The following GHR variants were observed in gnomAD, a reference collection of about 807,000 sequenced individuals.
The protein encoded by GHR is growth hormone receptor.
GHR carries 35 observed loss-of-function variants against 67.1 expected under a neutral mutation model. The observed-to-expected ratio is 0.52, with a 90% CI of 0.40 to 0.69. The LOEUF is 0.69. GHR is among the 30% of genes least tolerant of loss of function. The pLI is 0.00. For missense variants in GHR, 792 were observed against 764.6 expected (o/e 1.04, Z -0.42); for synonymous variants, 272 against 269.1 (o/e 1.01, Z -0.10).
At position 42,662,286 on chromosome 5, in the gene GHR, A is replaced by C. The variant is rs183136754; in HGVS notation, c.137-26604A>C. Among the ~76,000 whole-genome samples, 398 of 152,324 alleles carry C rather than the reference A, an allele frequency of 2.6e-3. 2 individuals are homozygous for C. The highest frequency in any genetic ancestry group is 9.3e-3 in the African/African-American group (385 of 41,566). ...GACATCTACAGAACTCTCCATCACA[A>C]ATCAACAGAATATACATTTTTTTCA... On this transcript the variant is annotated intron_variant, in intron 3 of 9. Transcript: ENST00000230882.
At chr5:42,640,742 C>T (rs1409508637) in intron 3 of GHR, among the ~76,000 whole-genome samples, 1 of 150,062 alleles carries the variant, frequency 6.7e-6, no homozygotes, top group Non-Finnish European at 1.5e-5. Context: ...AATAAAATAC[C>T]TAACATCTTA....
intron 2 of GHR, among the ~76,000 whole-genome samples, chr5:42,621,365 C>T (rs1204185280): frequency 1.3e-5 from 2 of 152,132 alleles, no homozygotes; most frequent in Non-Finnish European, 2.9e-5. Flanking sequence ...ATGCTAGGGA[C>T]TGCATTTGAA....
chr5:42,477,054 C>G (rs1307125586), intron 1 of GHR, among the ~76,000 whole-genome samples: 4 of 128,662 alleles, frequency 3.1e-5, no homozygotes, highest in Admixed American at 1.8e-4. Context: ...CACAACAGTC[C>G]CCAGTGTGTG....
At chr5:42,427,682 T>C (rs1742913328) in intron 1 of GHR, among the ~76,000 whole-genome samples, 2 of 152,050 alleles carry the variant, frequency 1.3e-5, no homozygotes, top group East Asian at 3.9e-4. Flanking sequence ...CAGTCCAAAG[T>C]CTCACCTGAA....
chr5:42,623,938 C>T (rs1438670281), intron 2 of GHR, among the ~76,000 whole-genome samples: 1 of 152,176 alleles, frequency 6.6e-6, no homozygotes, highest in Non-Finnish European at 1.5e-5. Flanking sequence ...CACCTCTAGA[C>T]ATTAGGTACA....
Position 42,597,246 on chromosome 5 carries a change from A to T in GHR, c.70+31302A>T, listed in dbSNP as rs983037882. Among the ~76,000 whole-genome samples the T allele has an allele frequency of 3.9e-5, 6 of 152,312 alleles. No individual in the cohort carries two copies. The East Asian group carries it at 1.2e-3, about 29-fold the overall frequency. ...GTTATGTAGTATTTTTGCCATACAG[A>T]TGCATAAGAGACATAAGTAACCTGA... On this transcript the variant is annotated intron_variant, in intron 2 of 9. Transcript: ENST00000230882.
At chr5:42,618,683 A>G (rs193171736) in intron 2 of GHR, among the ~76,000 whole-genome samples, 1 of 152,268 alleles carries the variant, frequency 6.6e-6, no homozygotes, top group Admixed American at 6.5e-5. Flanking sequence ...GAAGCACTTA[A>G]CTTACTATGT....
intron 1 of GHR, among the ~76,000 whole-genome samples, chr5:42,436,505 G>A (rs4866919): frequency 0.04 from 6,153 of 152,076 alleles, 304 homozygotes; most frequent in East Asian, 0.11. Context: ...AAAACATGTT[G>A]TTTTTTTAAT....
chr5:42,535,149 AG>A (rs1748201612), intron 1 of GHR, among the ~76,000 whole-genome samples: 1 of 152,004 alleles, frequency 6.6e-6, no homozygotes, highest in Admixed American at 6.6e-5. Context: ...GCTGTCCAAA[AG>A]CTCTTTAGTT....
At chr5:42,679,174 T>TGTATAAA (rs1756728963) in intron 3 of GHR, among the ~76,000 whole-genome samples, 1 of 142,158 alleles carries the variant, frequency 7.0e-6, no homozygotes, top group Admixed American at 7.1e-5. Flanking sequence ...ATTAATATAT[T>TGTATAAA]ATATATTGTA....
intron 4 of GHR, among the ~76,000 whole-genome samples, chr5:42,693,756 T>G (rs1332389474): frequency 1.3e-5 from 2 of 152,148 alleles, no homozygotes; most frequent in Non-Finnish European, 2.9e-5. Flanking sequence ...ACCTCCACAG[T>G]CTGGCCTGTG....
At chr5:42,501,977 C>T (rs1400948198) in intron 1 of GHR, among the ~76,000 whole-genome samples, 1 of 152,120 alleles carries the variant, frequency 6.6e-6, no homozygotes, top group Non-Finnish European at 1.5e-5. Flanking sequence ...TCTAGAAGTG[C>T]GGGTCATCAT....
chr5:42,454,909 C>T (rs1464760175), intron 1 of GHR, among the ~76,000 whole-genome samples: 1 of 152,222 alleles, frequency 6.6e-6, no homozygotes, highest in South Asian at 2.1e-4. Context: ...CAGGTTCATG[C>T]CCCCTCAAAA....
intron 3 of GHR, among the ~76,000 whole-genome samples, chr5:42,650,691 A>G (rs1300651897): frequency 1.3e-5 from 2 of 151,668 alleles, no homozygotes; most frequent in Admixed American, 6.6e-5. Context: ...TTGAAATAAA[A>G]TGTGTTAGAT....
chr5:42,428,891 C>T (rs1288939143), intron 1 of GHR, among the ~76,000 whole-genome samples: 1 of 152,092 alleles, frequency 6.6e-6, no homozygotes, highest in Non-Finnish European at 1.5e-5. Flanking sequence ...TTTTCTGAGC[C>T]CTCCAAGTCT....
chr5:42,590,314 A>G (rs2112590525), intron 2 of GHR, among the ~76,000 whole-genome samples: 1 of 152,356 alleles, frequency 6.6e-6, no homozygotes, highest in East Asian at 1.9e-4. Flanking sequence ...CAGTTTACAT[A>G]TAACCATTTA....
At chr5:42,525,937 C>G (rs1473553910) in intron 1 of GHR, among the ~76,000 whole-genome samples, 1 of 152,210 alleles carries the variant, frequency 6.6e-6, no homozygotes. Context: ...AATTAAACCT[C>G]TTTTTGTTTC....
intron 2 of GHR, among the ~76,000 whole-genome samples, chr5:42,593,588 G>A (rs773382885): frequency 1.5e-4 from 23 of 152,158 alleles, no homozygotes; most frequent in Non-Finnish European, 3.1e-4. Context: ...ACCTCCTAAG[G>A]AGGCCCATCT....
intron 1 of GHR, chr5:42,550,035 G>T (rs1748936475): frequency 2.8e-5 from 24 of 867,614 alleles, no homozygotes; most frequent in Non-Finnish European, 3.3e-5. Context: ...AGGTCACCTT[G>T]TGCCCGCACT....
Sources: allele counts gnomAD v4.1 joint callset (sites outside exome capture counted in the v4.1 genomes callset), GRCh38; gene constraint gnomAD v4.1.1; transcripts MANE v1.5; gene names NCBI Gene and HGNC (gene_info 2026-07-23, HGNC 2026-07-21).